The following ALK variants were observed in gnomAD, a reference collection of about 807,000 sequenced individuals.
ALK encodes the protein ALK receptor tyrosine kinase.
Under a neutral mutation model 163.1 loss-of-function variants are expected in ALK, and 74 were observed. The ratio of observed to expected loss-of-function variants is 0.45; its 90% CI spans 0.38 to 0.55. ALK has a LOEUF of 0.55. Among genes scored for constraint, ALK ranks in the 20% least tolerant of loss-of-function variants. The pLI is 0.00. For missense variants in ALK, 2,063 were observed against 2,105.3 expected (o/e 0.98, Z 0.39); for synonymous variants, 960 against 843.2 (o/e 1.14, Z -2.40).
At chr2:29,799,898 C>T (rs1379005044) in intron 1 of ALK, among the ~76,000 whole-genome samples, 1 of 152,118 alleles carries the variant, frequency 6.6e-6, no homozygotes, top group Non-Finnish European at 1.5e-5. Context: ...CAACTGTGGC[C>T]GAGCCAGCAT....
At chr2:29,614,051 G>A (rs1183434875) in intron 3 of ALK, among the ~76,000 whole-genome samples, 1 of 152,138 alleles carries the variant, frequency 6.6e-6, no homozygotes, top group South Asian at 2.1e-4. Context: ...GAGACTCACC[G>A]GGGGCATCAG....
intron 9 of ALK, among the ~76,000 whole-genome samples, chr2:29,293,045 G>A (rs1666080109): frequency 6.6e-6 from 1 of 152,180 alleles, no homozygotes; most frequent in Non-Finnish European, 1.5e-5. Flanking sequence ...TGTGACCAGA[G>A]ACAAAGAAAG....
chr2:29,467,142 G>A (rs1467970858), intron 4 of ALK, among the ~76,000 whole-genome samples: 1 of 151,984 alleles, frequency 6.6e-6, no homozygotes, highest in African/African-American at 2.4e-5. Context: ...CATGCTGTGT[G>A]AAGGAAGGGA....
chr2:29,296,722 A>T (rs986419692), intron 9 of ALK, among the ~76,000 whole-genome samples, 166 bp downstream of exon 9: 4 of 150,402 alleles, frequency 2.7e-5, no homozygotes, highest in African/African-American at 9.7e-5. Context: ...TAACCTGCAG[A>T]GTGTGTGTGT....
chr2:29,539,036 T>A (rs60231879), intron 3 of ALK, among the ~76,000 whole-genome samples: 17,924 of 127,450 alleles, frequency 0.14, 1,392 homozygotes, highest in Non-Finnish European at 0.22. Flanking sequence ...TTCCTGTACT[T>A]TTTCTCTTCC....
At chr2:29,464,902 T>C (rs1573376607) in intron 4 of ALK, among the ~76,000 whole-genome samples, 1 of 151,766 alleles carries the variant, frequency 6.6e-6, no homozygotes, top group African/African-American at 2.4e-5. Flanking sequence ...ATAGAAACCA[T>C]CCAAAATGAA....
chr2:29,456,489 T>C (rs1422658814), intron 4 of ALK, among the ~76,000 whole-genome samples: 1 of 152,148 alleles, frequency 6.6e-6, no homozygotes, highest in Non-Finnish European at 1.5e-5. Flanking sequence ...TGATACCACT[T>C]ACATGAGGTA....
chr2:29,205,954 T>A (rs115024270), intron 26 of ALK, among the ~76,000 whole-genome samples: 2,729 of 151,734 alleles, frequency 0.018, 87 homozygotes, highest in African/African-American at 0.063. Flanking sequence ...AGAGAAATTC[T>A]CTGATGATCT....
intron 5 of ALK, among the ~76,000 whole-genome samples, chr2:29,348,382 T>C (rs180998946): frequency 2.0e-5 from 3 of 152,354 alleles, no homozygotes; most frequent in Non-Finnish European, 2.9e-5. Flanking sequence ...GTTCATTTGG[T>C]ATTTGTGCAT....
intron 3 of ALK, among the ~76,000 whole-genome samples, chr2:29,564,616 C>T (rs753146228): frequency 6.6e-6 from 1 of 152,134 alleles, no homozygotes; most frequent in Non-Finnish European, 1.5e-5. Flanking sequence ...CTCCATTTCC[C>T]TCTTAAAAAT....
At chr2:29,797,939 A>G (rs1664362759) in intron 1 of ALK, among the ~76,000 whole-genome samples, 1 of 152,222 alleles carries the variant, frequency 6.6e-6, no homozygotes, top group Non-Finnish European at 1.5e-5. Context: ...AAAAGGAGTA[A>G]GTAGAGCCAC....
intron 1 of ALK, among the ~76,000 whole-genome samples, chr2:29,764,770 T>G (rs1214622900): frequency 3.3e-5 from 5 of 152,246 alleles, no homozygotes; most frequent in Non-Finnish European, 7.3e-5. Context: ...GTTAAAATCC[T>G]TGGATGCCCC....
In ALK at chr2:29,705,282, A is replaced by ATATATATATATAT. The variant is rs1558451342; in HGVS notation, c.788-10269_788-10268insATATATATATATA. 1.7e-3 allele frequency among the ~76,000 whole-genome samples: 59 copies of ATATATATATATAT among 34,094 alleles called. 8 individuals are homozygous for ATATATATATATAT. Among genetic ancestry groups the ATATATATATATAT allele is most frequent in the Non-Finnish European group, 2.1e-3 (41 of 19,232 alleles). The allele number at this position is 34,094 out of a possible 152,430, so 22.4% of individuals were successfully genotyped here. On this transcript the variant is annotated intron_variant, in intron 2 of 28. Coordinates refer to ENST00000389048, the MANE Select transcript of ALK (RefSeq NM_004304.5). ...ATATATATATATATATATATATATA[A>ATATATATATATAT]ATATATATCTGCTGTGATGATTGCA...
At chr2:29,831,247 G>A (rs375384653) in intron 1 of ALK, among the ~76,000 whole-genome samples, 612 of 20,066 alleles carry the variant, frequency 0.03, 29 homozygotes, top group Non-Finnish European at 0.052. Context: ...AAGAAGAAGA[G>A]GAAGAGGAAG....
chr2:29,868,146 G>C (rs1376354237), intron 1 of ALK, among the ~76,000 whole-genome samples: 4 of 152,230 alleles, frequency 2.6e-5, no homozygotes, highest in Non-Finnish European at 4.4e-5. Flanking sequence ...GGAAGGCAAG[G>C]AGGTAGGAAA....
chr2:29,426,931 A>T (rs1388439369), intron 4 of ALK, among the ~76,000 whole-genome samples: 3 of 149,604 alleles, frequency 2.0e-5, no homozygotes, highest in Non-Finnish European at 4.4e-5. Context: ...CCAGCTACTC[A>T]GAAGGCTGAG....
chr2:29,200,748 T>TGTATATATATACGTATATAC (rs1558608609), intron 26 of ALK, among the ~76,000 whole-genome samples: 7 of 71,752 alleles, frequency 9.8e-5, no homozygotes, highest in Non-Finnish European at 1.7e-4. Context: ...TACGTATATA[T>TGTATATATATACGTATATAC]ATACGTATAT....
chr2:29,698,274 C>G (rs1218349470), intron 2 of ALK, among the ~76,000 whole-genome samples: 1 of 152,122 alleles, frequency 6.6e-6, no homozygotes, highest in African/African-American at 2.4e-5. Context: ...GAAAACTGGT[C>G]CAACATTTTG....
chr2:29,857,469 T>C (rs1666172107), intron 1 of ALK, among the ~76,000 whole-genome samples: 1 of 152,124 alleles, frequency 6.6e-6, no homozygotes, highest in Non-Finnish European at 1.5e-5. Context: ...AATAGTGTAG[T>C]CACCCTTGGC....
Sources: gnomAD v4.1 joint callset for allele counts (sites outside exome capture counted in the v4.1 genomes callset) on GRCh38, gnomAD v4.1.1 for gene constraint, MANE v1.5 for transcripts, NCBI Gene and HGNC (gene_info 2026-07-23, HGNC 2026-07-21) for gene names.